HYAL4: variants seen among roughly 807,000 people sequenced by gnomAD.
HYAL4 encodes hyaluronidase 4.
A neutral mutation model predicts 35.2 loss-of-function variants in HYAL4; 37 were observed. The ratio of observed to expected loss-of-function variants is 1.05; its 90% CI spans 0.81 to 1.38. The LOEUF (loss-of-function observed/expected upper bound fraction) is 1.38, where lower values mean the gene tolerates loss of function less well. Ranked by LOEUF, HYAL4 falls within the 40% of genes most tolerant of loss-of-function variation. The probability of loss-of-function intolerance (pLI) is 0.00; values close to 1 mark genes in which losing one functional copy is unlikely to be tolerated. For missense variants in HYAL4, 572 were observed against 572.4 expected (o/e 1.00, Z 0.01); for synonymous variants, 198 against 203.2 (o/e 0.97, Z 0.22).
At chr7:123,824,903 G>C (rs1805778314), upstream of HYAL4, among the ~76,000 whole-genome samples, 1 of 152,124 alleles carries the variant, frequency 6.6e-6, no homozygotes, top group African/African-American at 2.4e-5. Context: ...TTTGCAGAGT[G>C]AATAAATAAA....
chr7:123,826,241 G>A (rs1475210948), upstream of HYAL4, among the ~76,000 whole-genome samples: 1 of 152,034 alleles, frequency 6.6e-6, no homozygotes, highest in African/African-American at 2.4e-5. Context: ...GATAGGAAAT[G>A]CACTGATTCA....
At chr7:123,779,347 G>A in the HYAL4 span, among the ~76,000 whole-genome samples, 2 of 151,978 alleles carry the variant, frequency 1.3e-5, no homozygotes, top group African/African-American at 4.8e-5. Flanking sequence ...AACATTTCTC[G>A]GGGCAGTGAC....
At chr7:123,857,150 C>T (rs1465337378) in intron 2 of HYAL4, among the ~76,000 whole-genome samples, 3 of 152,150 alleles carry the variant, frequency 2.0e-5, no homozygotes. Flanking sequence ...TTGAGTTAGA[C>T]CACTTGGCTC....
At position 123,872,617 on chromosome 7, in the gene HYAL4, T is replaced by G. The variant is rs78551020; in HGVS notation, c.955-2144T>G. Among the ~76,000 whole-genome samples, 631 of 152,310 alleles carry G rather than the reference T, an allele frequency of 4.1e-3. 2 individuals are homozygous for G. The highest frequency in any genetic ancestry group is 5.2e-3 in the Non-Finnish European group (353 of 68,034). On this transcript the variant is annotated intron_variant, in intron 3 of 4. Transcript: ENST00000223026. ...GCCACACTGGGACCTGGGAGGCTCATTTTCAGTACATCTACTTTGTTCCTT... is the reference window on the plus strand; with the variant it reads ...GCCACACTGGGACCTGGGAGGCTCAGTTTCAGTACATCTACTTTGTTCCTT...
At chr7:123,811,160 A>G in the HYAL4 span, among the ~76,000 whole-genome samples, 8 of 152,192 alleles carry the variant, frequency 5.3e-5, no homozygotes, top group Admixed American at 1.3e-4. Context: ...ATTCTTGTGC[A>G]GATTTTTGTG....
chr7:123,764,938 T>C, the HYAL4 span, among the ~76,000 whole-genome samples: 1 of 152,208 alleles, frequency 6.6e-6, no homozygotes, highest in Non-Finnish European at 1.5e-5. Context: ...GTGACAGTGA[T>C]GCTTAATGAT....
chr7:123,808,459 G>A, the HYAL4 span, among the ~76,000 whole-genome samples: 1 of 137,854 alleles, frequency 7.3e-6, no homozygotes, highest in East Asian at 2.0e-4. Flanking sequence ...GTGTGTGTGT[G>A]TGTGTATTTT....
chr7:123,839,799 G>A (rs1351550553), intron 1 of HYAL4, among the ~76,000 whole-genome samples: 1 of 150,978 alleles, frequency 6.6e-6, no homozygotes, highest in African/African-American at 2.4e-5. Flanking sequence ...TGAAGTGTCT[G>A]TTCATATCCT....
upstream of HYAL4, among the ~76,000 whole-genome samples, chr7:123,825,085 G>A (rs2116900370): frequency 6.6e-6 from 1 of 152,022 alleles, no homozygotes; most frequent in Admixed American, 6.6e-5. Context: ...ACTGTCTTCA[G>A]CTTTGGGTTT....
At chr7:123,776,287 C>T in the HYAL4 span, among the ~76,000 whole-genome samples, 1 of 152,100 alleles carries the variant, frequency 6.6e-6, no homozygotes, top group African/African-American at 2.4e-5. Context: ...TCTGAGGAAG[C>T]TTTATGCATG....
At chr7:123,807,800 T>C in the HYAL4 span, among the ~76,000 whole-genome samples, 1 of 151,754 alleles carries the variant, frequency 6.6e-6, no homozygotes, top group East Asian at 1.9e-4. Context: ...GGCATGATCA[T>C]AGTTCGCGGT....
the HYAL4 span, among the ~76,000 whole-genome samples, chr7:123,796,829 A>G: frequency 1.9e-4 from 29 of 152,244 alleles, no homozygotes; most frequent in Admixed American, 3.3e-4. Context: ...TATCAAGTGA[A>G]AGAAGCCAGT....
chr7:123,799,811 A>G, the HYAL4 span, among the ~76,000 whole-genome samples: 1 of 152,106 alleles, frequency 6.6e-6, no homozygotes, highest in Non-Finnish European at 1.5e-5. Context: ...CTTCAATTCT[A>G]ATATGAATTT....
chr7:123,812,698 T>C, the HYAL4 span, among the ~76,000 whole-genome samples: 8 of 152,178 alleles, frequency 5.3e-5, no homozygotes, highest in Non-Finnish European at 7.3e-5. Context: ...TTATTAGGCA[T>C]ATATATACGC....
the HYAL4 span, among the ~76,000 whole-genome samples, chr7:123,801,292 C>G: frequency 4.6e-5 from 7 of 152,048 alleles, no homozygotes; most frequent in Admixed American, 4.6e-4. Flanking sequence ...AAATGATTGT[C>G]TTTTAAATTT....
chr7:123,825,944 T>C (rs1458577259), upstream of HYAL4, among the ~76,000 whole-genome samples: 1 of 152,028 alleles, frequency 6.6e-6, no homozygotes, highest in African/African-American at 2.4e-5. Flanking sequence ...TATTCCTCTA[T>C]GTTAAATAAT....
At chr7:123,776,985 G>C in the HYAL4 span, among the ~76,000 whole-genome samples, 1 of 152,110 alleles carries the variant, frequency 6.6e-6, no homozygotes, top group Middle Eastern at 3.2e-3. Context: ...AAATAATTAC[G>C]GTGAAGGGGA....
the HYAL4 span, among the ~76,000 whole-genome samples, chr7:123,784,000 A>G: frequency 6.7e-6 from 1 of 149,154 alleles, no homozygotes. Flanking sequence ...TTTTAGCAAG[A>G]ACTTCCTCCA....
chr7:123,770,943 C>T, the HYAL4 span, among the ~76,000 whole-genome samples: 1 of 151,856 alleles, frequency 6.6e-6, no homozygotes, highest in Non-Finnish European at 1.5e-5. Flanking sequence ...AATGTAAATA[C>T]GGTAGGAATA....
Sources: gnomAD v4.1 joint callset for allele counts (sites outside exome capture counted in the v4.1 genomes callset) on GRCh38, gnomAD v4.1.1 for gene constraint, MANE v1.5 for transcripts, NCBI Gene and HGNC (gene_info 2026-07-23, HGNC 2026-07-21) for gene names.